MLIP: variants seen among roughly 807,000 people sequenced by gnomAD.
The protein encoded by MLIP is muscular LMNA interacting protein.
MLIP carries 79 observed loss-of-function variants against 84.8 expected under a neutral mutation model. The ratio of observed to expected loss-of-function variants is 0.93; its 90% CI spans 0.78 to 1.12. The LOEUF is 1.12. Among genes scored for constraint, MLIP ranks in the 50% most tolerant of loss-of-function variants. The pLI, the probability that MLIP is intolerant of heterozygous loss-of-function variation, is 0.00. For synonymous variants in MLIP, 504 were observed against 463.0 expected (o/e 1.09, Z -1.14); for missense variants, 1,257 against 1,160.6 (o/e 1.08, Z -1.21).
At chr6:54,166,553 G>A (rs1280859) in intron 8 of MLIP, among the ~76,000 whole-genome samples, 146,386 of 151,852 alleles carry the variant, frequency 0.96, 70,794 homozygotes, top group East Asian at 1. Flanking sequence ...TTAGAACTCC[G>A]TAGTCTCTCT....
At chr6:54,116,708 T>G (rs1769952310) in intron 1 of MLIP, among the ~76,000 whole-genome samples, 1 of 152,178 alleles carries the variant, frequency 6.6e-6, no homozygotes, top group South Asian at 2.1e-4. Context: ...ATTTCAAAAA[T>G]ATTAAGGAGG....
chr6:54,224,770 G>A (rs965144365), intron 11 of MLIP, among the ~76,000 whole-genome samples: 5 of 151,374 alleles, frequency 3.3e-5, no homozygotes, highest in East Asian at 1.9e-4. Context: ...AAAGTTCATT[G>A]TATCATTCTT....
intron 2 of MLIP, among the ~76,000 whole-genome samples, chr6:54,123,916 G>A (rs1424727487): frequency 6.6e-6 from 1 of 152,144 alleles, no homozygotes; most frequent in Non-Finnish European, 1.5e-5. Flanking sequence ...AAGATGCTTT[G>A]TACTAAAAAT....
chr6:54,152,955 T>G (rs1229115974), intron 5 of MLIP, among the ~76,000 whole-genome samples: 1 of 152,140 alleles, frequency 6.6e-6, no homozygotes, highest in East Asian at 1.9e-4. Flanking sequence ...AATATAAATT[T>G]TTTCCTTGAA....
intron 1 of MLIP, among the ~76,000 whole-genome samples, chr6:54,043,116 C>T (rs544685317): frequency 1.5e-4 from 23 of 152,270 alleles, no homozygotes; most frequent in African/African-American, 5.3e-4. Context: ...CAAACATCCT[C>T]GAACCTTCTT....
At chr6:54,123,195 A>G (rs1341895136) in intron 2 of MLIP, among the ~76,000 whole-genome samples, 2 of 152,050 alleles carry the variant, frequency 1.3e-5, no homozygotes, top group Admixed American at 1.3e-4. Flanking sequence ...TCGGCCTCCC[A>G]AAGTGCTGGG....
In MLIP at chr6:54,137,677, G is replaced by A; in HGVS notation, c.1608G>A (p.Met536Ile). The A allele has an allele frequency of 1.3e-6, 2 of 1,536,076 alleles. No homozygotes were observed. The highest frequency in any genetic ancestry group is 1.7e-6 in the Non-Finnish European group (2 of 1,146,886). The stretch of plus-strand genomic sequence containing the variant: ...CACCTACTTTGAAGAGCAATACCAT[G>A]CTCTCCCTGCTACAAACCAGTACAT... ...TPSPTLKSNT[M>I]LSLLQTSTSS... Residue 536 changes from methionine (M) to isoleucine (I), a missense_variant, in exon 4 of 14, where the codon ATG (methionine) becomes ATA (isoleucine). Coordinates refer to ENST00000502396, the MANE Select transcript of MLIP (RefSeq NM_001281747.2).
chr6:54,218,049 C>T, intron 11 of MLIP: 5 of 954,470 alleles, frequency 5.2e-6, no homozygotes, highest in Non-Finnish European at 5.0e-6. Flanking sequence ...AAACCTGGCT[C>T]ACCAGTGTTT....
intron 1 of MLIP, among the ~76,000 whole-genome samples, chr6:54,114,558 C>A (rs1769744768): frequency 6.6e-6 from 1 of 152,188 alleles, no homozygotes; most frequent in Non-Finnish European, 1.5e-5. Flanking sequence ...ACAGTTCTTA[C>A]CACTATTACT....
intron 1 of MLIP, among the ~76,000 whole-genome samples, chr6:54,033,341 A>T (rs1277399911): frequency 6.7e-6 from 1 of 149,874 alleles, no homozygotes; most frequent in African/African-American, 2.5e-5. Context: ...GTCTCAGCTC[A>T]CTGCAACCTC....
At position 54,137,666 on chromosome 6, in the gene MLIP, A is replaced by T. The variant is rs1173101552; in HGVS notation, c.1597A>T (p.Ser533Cys). Residue 533 changes from serine (S) to cysteine (C), a missense_variant, in exon 4 of 14, where the codon AGC becomes TGC. Physicochemically the swap from Ser to Cys is moderately radical, Grantham distance 112 (BLOSUM62 -1). Coordinates refer to ENST00000502396, the MANE Select transcript of MLIP (RefSeq NM_001281747.2). ...VERTPSPTLKSNTMLSLLQTS... is the reference protein window; with the variant it reads ...VERTPSPTLKCNTMLSLLQTS... ...GAGAACACCATCACCTACTTTGAAG[A>T]GCAATACCATGCTCTCCCTGCTACA... 3.9e-6 allele frequency: 6 copies of T among 1,536,060 alleles called. No homozygotes were observed. Among genetic ancestry groups the T allele is most frequent in the Non-Finnish European group, 5.2e-6 (6 of 1,146,888 alleles).
chr6:54,024,450 G>C (rs1763684007), intron 1 of MLIP, among the ~76,000 whole-genome samples: 1 of 152,164 alleles, frequency 6.6e-6, no homozygotes, highest in African/African-American at 2.4e-5. Context: ...GACAGGTCTG[G>C]GTGTTGTTGG....
At chr6:54,170,032 AAGTGGATAGATAT>A (rs1364049544) in intron 9 of MLIP, among the ~76,000 whole-genome samples, 5 of 151,718 alleles carry the variant, frequency 3.3e-5, no homozygotes, top group African/African-American at 9.7e-5. Context: ...TTATGAGCAA[AAGTGGATAGATAT>A]AGTGGATAGA....
In MLIP at chr6:54,221,065, C is replaced by A. The variant is rs577422519; in HGVS notation, c.2719-9649C>A. 3.9e-5 allele frequency among the ~76,000 whole-genome samples: 6 copies of A among 152,034 alleles called. No individual in the cohort carries two copies. The East Asian group carries it at 1.2e-3, about 29-fold the overall frequency. The stretch of plus-strand genomic sequence containing the variant: ...TTTTAAAAAGTAACAAACTTCAAGA[C>A]GCATTAGAAATGCTCGTTTTTGAGA... On this transcript the variant is annotated intron_variant, in intron 11 of 13. Coordinates refer to ENST00000502396, the MANE Select transcript of MLIP (RefSeq NM_001281747.2).
Position 54,137,052 on chromosome 6 carries a change from A to G in MLIP, c.983A>G (p.Lys328Arg), listed in dbSNP as rs1028446029. 181 of 1,535,948 alleles carry G rather than the reference A, an allele frequency of 1.2e-4. No homozygotes were observed. Among genetic ancestry groups the G allele is most frequent in the Non-Finnish European group, 1.5e-4 (172 of 1,146,894 alleles). The change falls in exon 4 of 14, where the codon AAG becomes AGG. Residue 328 changes from lysine (K) to arginine (R), a missense_variant. Transcript: ENST00000502396. ...CCTGGACTGACCTCTGAAGTTCTCA[A>G]GAAGACAACTTTAACCTCGCATGTC... ...PKPGLTSEVL[K>R]KTTLTSHVLS...
intron 12 of MLIP, among the ~76,000 whole-genome samples, chr6:54,250,551 C>A (rs1018464557): frequency 6.6e-6 from 1 of 152,020 alleles, no homozygotes; most frequent in Non-Finnish European, 1.5e-5. Flanking sequence ...GAGATCATGT[C>A]CTTTGCAGGA....
At chr6:54,178,497 TA>T (rs1436994734) in intron 9 of MLIP, among the ~76,000 whole-genome samples, 1 of 152,176 alleles carries the variant, frequency 6.6e-6, no homozygotes, top group Non-Finnish European at 1.5e-5. Flanking sequence ...TAAGGTGTTT[TA>T]TTAGGTTATT....
intron 5 of MLIP, among the ~76,000 whole-genome samples, chr6:54,157,861 T>C (rs527817220): frequency 1.3e-5 from 2 of 152,306 alleles, no homozygotes; most frequent in South Asian, 4.1e-4. Context: ...AATAGATTTT[T>C]GTTATGGTAA....
intron 1 of MLIP, among the ~76,000 whole-genome samples, chr6:54,054,604 A>G (rs1006956328): frequency 1.3e-5 from 2 of 152,180 alleles, no homozygotes; most frequent in African/African-American, 2.4e-5. Context: ...AAGCAATAAT[A>G]GTCAATATTT....
Sources: gnomAD v4.1 joint callset for allele counts (sites outside exome capture counted in the v4.1 genomes callset) on GRCh38, gnomAD v4.1.1 for gene constraint, MANE v1.5 for transcripts, NCBI Gene and HGNC (gene_info 2026-07-23, HGNC 2026-07-21) for gene names.